Variants in ACSM2A observed in about 807,000 individuals in gnomAD.
ACSM2A encodes acyl-coenzyme A synthetase ACSM2A, mitochondrial.
In ACSM2A, 72 loss-of-function variants were observed where a neutral mutation model predicts 76.6. That is an observed-to-expected ratio of 0.94 (90% CI 0.78 to 1.14). The LOEUF (loss-of-function observed/expected upper bound fraction) is 1.14, where lower values mean the gene tolerates loss of function less well. ACSM2A is among the 50% of genes most tolerant of loss of function. The pLI is 0.00. For missense variants in ACSM2A, 684 were observed against 708.5 expected (o/e 0.97, Z 0.39); for synonymous variants, 249 against 255.9 (o/e 0.97, Z 0.26).
At chr16:20,468,193 C>T (rs2013132550) in intron 3 of ACSM2A, among the ~76,000 whole-genome samples, 1 of 152,044 alleles carries the variant, frequency 6.6e-6, no homozygotes, top group African/African-American at 2.4e-5. Flanking sequence ...GTGTCTGACT[C>T]AATTGGCCAC....
intron 12 of ACSM2A, chr16:20,482,828 G>A (rs993386892): frequency 1.5e-5 from 7 of 475,498 alleles, no homozygotes; most frequent in Non-Finnish European, 2.5e-5. Flanking sequence ...TGGAGTATGA[G>A]GTGAGCCTAG....
intron 10 of ACSM2A, among the ~76,000 whole-genome samples, chr16:20,480,255 G>A (rs2014006128): frequency 6.6e-6 from 1 of 152,298 alleles, no homozygotes. Flanking sequence ...CAGAGATTAG[G>A]ATATCTATGA....
At chr16:20,463,763 C>T (rs145516407) in intron 2 of ACSM2A, among the ~76,000 whole-genome samples, 225 of 152,264 alleles carry the variant, frequency 1.5e-3, no homozygotes, top group Admixed American at 2.2e-3. Context: ...AATGAAATCA[C>T]ACAGTATTTG....
intron 5 of ACSM2A, 95 bp downstream of exon 5, chr16:20,471,311 G>A: frequency 1.3e-6 from 2 of 1,534,026 alleles, no homozygotes; most frequent in African/African-American, 1.4e-5. Flanking sequence ...GGTCAACCGG[G>A]GTCCCACCTT....
At chr16:20,470,343 G>T (rs993916611) in intron 4 of ACSM2A, among the ~76,000 whole-genome samples, 12 of 152,150 alleles carry the variant, frequency 7.9e-5, no homozygotes, top group African/African-American at 1.4e-4. Context: ...CTGATCAAGG[G>T]CAGAGGACTT....
At chr16:20,482,670 G>C (rs2014150849) in intron 12 of ACSM2A, 1 of 168,516 alleles carries the variant, frequency 5.9e-6, no homozygotes. Flanking sequence ...TTTACCGTAA[G>C]TTAAATTTGG....
chr16:20,472,283 T>G (rs2013464895), intron 6 of ACSM2A, among the ~76,000 whole-genome samples: 1 of 152,192 alleles, frequency 6.6e-6, no homozygotes, highest in Non-Finnish European at 1.5e-5. Flanking sequence ...GCTGTAAGTC[T>G]GAGATCAGGG....
At chr16:20,482,855 A>C in intron 12 of ACSM2A, 1 of 680,658 alleles carries the variant, frequency 1.5e-6, no homozygotes, top group Non-Finnish European at 2.3e-6. Context: ...TCTTTTGTCC[A>C]CCTGCTCCTC....
chr16:20,478,733 G>A lies in ACSM2A; in HGVS notation c.1281+56G>A, dbSNP rs149686488. 3.0e-3 allele frequency: 4,689 copies of A among 1,550,070 alleles called. 108 individuals are homozygous for A. The African/African-American group carries it at 0.053, about 18-fold the overall frequency. On this transcript the variant is annotated intron_variant, in intron 10 of 13. Transcript: ENST00000573854. ...CCCAGTGAGGATGGGAGCACTAAAC[G>A]GGATGAGGGAGGACAAATGTTCTGA...
At position 20,487,174 on chromosome 16, in the gene ACSM2A, A is replaced by G. The variant is rs1476188851; in HGVS notation, c.*496A>G. 1 of 151,982 alleles carries G rather than the reference A, an allele frequency of 6.6e-6. No individual in the cohort carries two copies. Among genetic ancestry groups the G allele is most frequent in the Admixed American group, 6.6e-5 (1 of 15,266 alleles). 9.4% of individuals were successfully genotyped at this position (151,982 alleles called of 1,614,324 possible). A position where few individuals can be genotyped will look rare whatever the true frequency, so the allele number is the denominator to read the frequency against. ...AGAAAGAGAGGGAGAAAGGGAGAGA[A>G]AAAAATTGTAAAAATAAAAATAGTA... is the stretch of plus-strand genomic sequence containing the variant. On this transcript the variant is annotated 3_prime_UTR_variant, in exon 14 of 14. Coordinates refer to ENST00000573854, the MANE Select transcript of ACSM2A (RefSeq NM_001308172.2).
At position 20,480,827 on chromosome 16, in the gene ACSM2A, G is replaced by C. The variant is rs556547446; in HGVS notation, c.1415G>C (p.Arg472Pro). Reference protein sequence around the residue: ...ANDIINSSGYRIGPSEVENAL... With the variant: ...ANDIINSSGYPIGPSEVENAL... ...AAGGACAGGTTCTTCTGCAGGTACC[G>C]GATTGGACCCTCGGAGGTAGAGAAT... The change falls in exon 12 of 14, where the codon CGG becomes CCG. Residue 472 changes from arginine (R) to proline (P), a missense_variant. Arg to Pro is a moderately radical substitution (Grantham distance 103). Around this residue, in one of 3 missense-constraint regions of ACSM2A, gnomAD observed 159 missense variants for 132.5 expected, o/e 1.20. Transcript: ENST00000573854. The C allele has an allele frequency of 1.2e-5, 20 of 1,613,836 alleles. No individual in the cohort carries two copies. The highest frequency in any genetic ancestry group is 1.7e-5 in the Non-Finnish European group (20 of 1,179,868).
intron 2 of ACSM2A, 107 bp from the exon 3 acceptor site, chr16:20,465,410 G>A (rs1596650960): frequency 6.9e-7 from 1 of 1,439,142 alleles, no homozygotes; most frequent in African/African-American, 1.4e-5. Context: ...GAGGTGCTGA[G>A]ATAAAAAACC....
intron 4 of ACSM2A, among the ~76,000 whole-genome samples, 165 bp downstream of exon 4, chr16:20,469,884 T>A (rs61181137): frequency 6.7e-6 from 1 of 149,434 alleles, no homozygotes; most frequent in African/African-American, 2.5e-5. Flanking sequence ...TTTTTTTTTT[T>A]TTTTTTTTTT....
At chr16:20,458,910 A>G (rs1352012762) in intron 1 of ACSM2A, among the ~76,000 whole-genome samples, 45 of 56,010 alleles carry the variant, frequency 8.0e-4, no homozygotes, top group East Asian at 3.4e-3. Context: ...ATATGCATAT[A>G]TATATATATA....
intron 2 of ACSM2A, among the ~76,000 whole-genome samples, chr16:20,460,750 G>A (rs1378421419): frequency 7.2e-6 from 1 of 138,174 alleles, no homozygotes; most frequent in Non-Finnish European, 1.5e-5. Context: ...TCAGGAGATT[G>A]AGGTGGCAAG....
intron 6 of ACSM2A, among the ~76,000 whole-genome samples, chr16:20,473,084 A>G (rs2013516022): frequency 6.6e-6 from 1 of 152,148 alleles, no homozygotes; most frequent in African/African-American, 2.4e-5. Context: ...GTTGGACTCT[A>G]TGATAGAGGG....
In ACSM2A at chr16:20,471,421, A is replaced by G. The variant is rs957714263; in HGVS notation, c.741-115A>G. On this transcript the variant is annotated intron_variant, in intron 5 of 13. Transcript: ENST00000573854. ...GACATATGCCTATAAACCTGCAGGC[A>G]GATACACACACACCTCTGCACACAC... The G allele has an allele frequency of 1.2e-5, 18 of 1,502,796 alleles. No individual in the cohort carries two copies. In the African/African-American group the frequency reaches 2.5e-4, roughly 21 times the overall value. 93.1% of individuals were successfully genotyped at this position (1,502,796 alleles called of 1,614,324 possible).
At chr16:20,462,845 C>G (rs913398427) in intron 2 of ACSM2A, among the ~76,000 whole-genome samples, 1 of 151,976 alleles carries the variant, frequency 6.6e-6, no homozygotes, top group Non-Finnish European at 1.5e-5. Context: ...AACTTAAAAT[C>G]AGGGTTTCTG....
rs570978420 is a variant in ACSM2A, at chr16:20,469,393, G to A, written c.389-119G>A. 853 of 1,513,800 alleles carry A rather than the reference G, an allele frequency of 5.6e-4. 4 individuals are homozygous for A. The highest frequency in any genetic ancestry group is 2.7e-4 in the Non-Finnish European group (306 of 1,130,340). The allele number at this position is 1,513,800 out of a possible 1,614,324, so 93.8% of individuals were successfully genotyped here. On this transcript the variant is annotated intron_variant, in intron 3 of 13. Transcript: ENST00000573854. ...CCCTTTTTTATTGACACTCTCTATT[G>A]GTCATTACTTCCTCATCCTCTCCTT...
Sources: gnomAD v4.1 joint callset for allele counts (sites outside exome capture counted in the v4.1 genomes callset) on GRCh38, gnomAD v4.1.1 for gene constraint, gnomAD v4.1.1 regional missense constraint, MANE v1.5 for transcripts, NCBI Gene and HGNC (gene_info 2026-07-23, HGNC 2026-07-21) for gene names.